The following RAB30 variants were observed in gnomAD, a reference collection of about 807,000 sequenced individuals.
RAB30 encodes the protein RAB30, member RAS oncogene family.
A neutral mutation model predicts 25.1 loss-of-function variants in RAB30; 9 were observed. The ratio of observed to expected loss-of-function variants is 0.36; its 90% CI spans 0.22 to 0.63. The LOEUF is 0.63. RAB30 is among the 20% of genes least tolerant of loss of function. The pLI is 0.69. For synonymous variants in RAB30, 77 were observed against 86.4 expected, an observed-to-expected ratio of 0.89 and a Z score of 0.60; for missense variants, 140 against 243.5, an observed-to-expected ratio of 0.58 and a Z score of 2.83.
chr11:83,065,057 C>T (rs955188763), intron 1 of RAB30, among the ~76,000 whole-genome samples: 2 of 152,130 alleles, frequency 1.3e-5, no homozygotes, highest in Non-Finnish European at 2.9e-5. Context: ...GTATGTCCCA[C>T]AATCTGGATT....
At chr11:83,003,117 A>C (rs1857119847) in intron 1 of RAB30, among the ~76,000 whole-genome samples, 1 of 152,212 alleles carries the variant, frequency 6.6e-6, no homozygotes, top group Admixed American at 6.5e-5. Context: ...ATAGGCGATG[A>C]AGTAAGAGGG....
chr11:82,983,976 GAAATAT>G (rs1856691156), intron 4 of RAB30, among the ~76,000 whole-genome samples: 2 of 152,170 alleles, frequency 1.3e-5, no homozygotes, highest in Admixed American at 1.3e-4. Flanking sequence ...TAGGAAAAAG[GAAATAT>G]AAATATAAAA....
At chr11:82,983,848 G>A (rs903837210) in intron 4 of RAB30, among the ~76,000 whole-genome samples, 4 of 152,180 alleles carry the variant, frequency 2.6e-5, no homozygotes, top group Non-Finnish European at 5.9e-5. Flanking sequence ...AACTGTTTCA[G>A]TAATCATCTT....
Position 82,980,717 on chromosome 11 carries a change from T to TCA in RAB30, c.*1446_*1447dup, listed in dbSNP as rs1455957291. The TCA allele has an allele frequency of 1.3e-5, 2 of 152,118 alleles. No individual in the cohort carries two copies. The highest frequency in any genetic ancestry group is 1.3e-4 in the Admixed American group (2 of 15,266). 9.4% of individuals were successfully genotyped at this position (152,118 alleles called of 1,614,324 possible). A position where few individuals can be genotyped will look rare whatever the true frequency, so the allele number is the denominator to read the frequency against. On this transcript the variant is annotated 3_prime_UTR_variant, in exon 5 of 5. Coordinates refer to ENST00000527633, the MANE Select transcript of RAB30 (RefSeq NM_001286060.2). ...GCACTGAAGAAAAAGAAACACATATTCAGCAGCACATCTCCCATTTTGAGT... is the reference window on the plus strand; with the variant it reads ...GCACTGAAGAAAAAGAAACACATATTCACAGCAGCACATCTCCCATTTTGAGT...
At chr11:83,024,334 C>T (rs1223648554) in intron 1 of RAB30, among the ~76,000 whole-genome samples, 2 of 152,178 alleles carry the variant, frequency 1.3e-5, no homozygotes, top group Admixed American at 6.5e-5. Context: ...GAGCAAGCTC[C>T]CCACCCATCT....
rs564181817 is a variant in RAB30, at chr11:82,979,801, G to A, written c.*2364C>T. 1 of 152,352 alleles carries A rather than the reference G, an allele frequency of 6.6e-6. No homozygotes were observed. The highest frequency in any genetic ancestry group is 1.9e-4 in the East Asian group (1 of 5,196). The allele number at this position is 152,352 out of a possible 1,614,324, so 9.4% of individuals were successfully genotyped here. On this transcript the variant is annotated 3_prime_UTR_variant, in exon 5 of 5. Transcript: ENST00000527633. ...ATGGGCTGTGGATGGGTAAGTTATGGAAAGGCTGGGAGGAGCAACAAGGAA... is the reference window on the plus strand; with the variant it reads ...ATGGGCTGTGGATGGGTAAGTTATGAAAAGGCTGGGAGGAGCAACAAGGAA...
At chr11:83,023,813 C>T (rs1262107684) in intron 1 of RAB30, among the ~76,000 whole-genome samples, 1 of 152,174 alleles carries the variant, frequency 6.6e-6, no homozygotes, top group Non-Finnish European at 1.5e-5. Flanking sequence ...CGTGATACGT[C>T]TCACCTCCAT....
chr11:83,001,698 G>C (rs1338264016), intron 1 of RAB30, among the ~76,000 whole-genome samples: 5 of 152,010 alleles, frequency 3.3e-5, no homozygotes, highest in Non-Finnish European at 7.4e-5. Flanking sequence ...AACAGCCCAG[G>C]CATCACCAAT....
chr11:83,041,737 T>C (rs559483306), intron 1 of RAB30: 4 of 152,754 alleles, frequency 2.6e-5, no homozygotes, highest in African/African-American at 9.6e-5. Context: ...TTAAAACTTT[T>C]TTTAAAAAGT....
chr11:82,988,550 A>T (rs1856785728), intron 3 of RAB30, among the ~76,000 whole-genome samples: 2 of 152,214 alleles, frequency 1.3e-5, no homozygotes, highest in African/African-American at 4.8e-5. Context: ...TCTTTATAAA[A>T]AGTGGTTAAT....
chr11:83,055,135 C>G (rs543686795), intron 1 of RAB30, among the ~76,000 whole-genome samples: 1 of 152,240 alleles, frequency 6.6e-6, no homozygotes, highest in Non-Finnish European at 1.5e-5. Flanking sequence ...ATTTCTGCAT[C>G]TGCATCTGCA....
Position 83,056,894 on chromosome 11 carries a change from T to C in RAB30, c.-9+14797A>G, listed in dbSNP as rs1018199533. 2.0e-5 allele frequency among the ~76,000 whole-genome samples: 3 copies of C among 152,236 alleles called. No homozygotes were observed. In the South Asian group the frequency reaches 6.2e-4, roughly 31 times the overall value. Reference sequence around the variant, plus strand: ...AAGTTACAGAATGAAAATAACTTACTATACTTGCAAACATGCCATTTTGCT... The same window carrying C: ...AAGTTACAGAATGAAAATAACTTACCATACTTGCAAACATGCCATTTTGCT... On this transcript the variant is annotated intron_variant, in intron 1 of 4. Transcript: ENST00000527633.
intron 1 of RAB30, among the ~76,000 whole-genome samples, chr11:83,008,451 A>G (rs1185340852): frequency 6.6e-6 from 1 of 152,182 alleles, no homozygotes; most frequent in African/African-American, 2.4e-5. Flanking sequence ...CAAGCAAAAG[A>G]ATGACTACTT....
At chr11:83,025,438 C>A (rs905065059) in intron 1 of RAB30, among the ~76,000 whole-genome samples, 1 of 152,212 alleles carries the variant, frequency 6.6e-6, no homozygotes, top group African/African-American at 2.4e-5. Context: ...AAGGGAACAA[C>A]ATTGCATAAC....
intron 1 of RAB30, among the ~76,000 whole-genome samples, chr11:83,000,051 T>C (rs1243582739): frequency 6.6e-6 from 1 of 152,164 alleles, no homozygotes; most frequent in Non-Finnish European, 1.5e-5. Flanking sequence ...ATTAAGTCAC[T>C]TAATCTCAAA....
chr11:83,051,549 T>C (rs1858357183), intron 1 of RAB30, among the ~76,000 whole-genome samples: 1 of 152,090 alleles, frequency 6.6e-6, no homozygotes, highest in African/African-American at 2.4e-5. Context: ...TAAGCAACGA[T>C]CCCTAAGTGT....
chr11:82,994,462 A>G (rs1856919096), intron 2 of RAB30, among the ~76,000 whole-genome samples: 1 of 152,216 alleles, frequency 6.6e-6, no homozygotes, highest in South Asian at 2.1e-4. Flanking sequence ...AGACACGAAG[A>G]TAAGATTGAA....
At chr11:83,050,256 A>AG (rs112367982) in intron 1 of RAB30, among the ~76,000 whole-genome samples, 2 of 139,008 alleles carry the variant, frequency 1.4e-5, no homozygotes, top group Non-Finnish European at 3.1e-5. Flanking sequence ...ACCATGTCTT[A>AG]AAAAAAAAAA....
chr11:82,993,987 C>A, intron 3 of RAB30, 52 bp downstream of exon 3: 2 of 1,408,056 alleles, frequency 1.4e-6, no homozygotes, highest in South Asian at 2.4e-5. Context: ...CAGTACTTCC[C>A]CTAACCTCTC....
Sources: gnomAD v4.1 joint callset for allele counts (sites outside exome capture counted in the v4.1 genomes callset) on GRCh38, gnomAD v4.1.1 for gene constraint, MANE v1.5 for transcripts, NCBI Gene and HGNC (gene_info 2026-07-23, HGNC 2026-07-21) for gene names.